NRCAM: variants seen among roughly 807,000 people sequenced by gnomAD.
The protein encoded by NRCAM is neuronal cell adhesion molecule.
In NRCAM, 83 loss-of-function variants were observed where a neutral mutation model predicts 156.5. The ratio of observed to expected loss-of-function variants is 0.53; its 90% confidence interval spans 0.44 to 0.64. The LOEUF is 0.64. NRCAM is among the 30% of genes least tolerant of loss of function. The pLI, the probability that NRCAM is intolerant of heterozygous loss-of-function variation, is 0.00. For synonymous variants in NRCAM, 538 were observed against 563.9 expected, an observed-to-expected ratio of 0.95 and a Z score of 0.65; for missense variants, 1,417 against 1,597.3, an observed-to-expected ratio of 0.89 and a Z score of 1.92.
chr7:108,297,178 G>A (rs1188280658), intron 3 of NRCAM, among the ~76,000 whole-genome samples: 5 of 152,206 alleles, frequency 3.3e-5, no homozygotes, highest in African/African-American at 1.2e-4. Context: ...TAAAGGATCA[G>A]TGACATACTT....
At chr7:108,341,303 G>A (rs995334157) in intron 2 of NRCAM, among the ~76,000 whole-genome samples, 1 of 152,180 alleles carries the variant, frequency 6.6e-6, no homozygotes, top group Admixed American at 6.5e-5. Flanking sequence ...TGACCATTGA[G>A]GGCCAGGAGG....
Position 108,150,140 on chromosome 7 carries a change from C to G in NRCAM, c.3685G>C (p.Glu1229Gln), listed in dbSNP as rs2040389220. 2 of 1,593,676 alleles carry G rather than the reference C, an allele frequency of 1.3e-6. No individual in the cohort carries two copies. Among genetic ancestry groups the G allele is most frequent in the Admixed American group, 3.7e-5 (2 of 53,534 alleles). Residue 1229 changes from glutamate (E) to glutamine (Q), a missense_variant, in exon 33 of 33, where the codon GAA becomes CAA. Transcript: ENST00000379028. ...CCTTTTTTCAAAGGCTTGTGGTCTT[C>G]TGCATCACTGGAAGAAAGAGAAAAC... ...DGTFGEYSDA[E>Q]DHKPLKKGSR...
At position 108,156,409 on chromosome 7, in the gene NRCAM, T is replaced by A. The variant is rs1442255731; in HGVS notation, c.3677+3054A>T. On this transcript the variant is annotated intron_variant, in intron 32 of 32. Coordinates refer to ENST00000379028, the MANE Select transcript of NRCAM (RefSeq NM_001037132.4). Reference sequence around the variant, plus strand: ...TACACTCTTGGTTGCATTGTTTCTCTGATTTTTCTATATGCTAGTAAGGAT... The same window carrying A: ...TACACTCTTGGTTGCATTGTTTCTCAGATTTTTCTATATGCTAGTAAGGAT... 3 of 984,506 alleles carry A rather than the reference T, an allele frequency of 3.0e-6. No individual in the cohort carries two copies. In the East Asian group the frequency reaches 3.4e-4, roughly 111 times the overall value. The allele number at this position is 984,506 out of a possible 1,614,324, so 61.0% of individuals were successfully genotyped here.
At chr7:108,180,838 T>C (rs1008942829) in intron 24 of NRCAM, among the ~76,000 whole-genome samples, 2 of 152,206 alleles carry the variant, frequency 1.3e-5, no homozygotes, top group Admixed American at 1.3e-4. Flanking sequence ...GTACAACCTA[T>C]CATGTAGTGA....
chr7:108,230,889 G>T, intron 8 of NRCAM, 142 bp downstream of exon 8: 1 of 614,684 alleles, frequency 1.6e-6, no homozygotes, highest in South Asian at 2.3e-5. Flanking sequence ...TGAATGAGAT[G>T]ACATGTTATT....
At chr7:108,396,890 G>A (rs2099778357) in intron 2 of NRCAM, among the ~76,000 whole-genome samples, 1 of 151,920 alleles carries the variant, frequency 6.6e-6, no homozygotes, top group South Asian at 2.1e-4. Context: ...AGAAATAAAG[G>A]CTGCCAAAAA....
chr7:108,229,825 C>T (rs112685084), intron 8 of NRCAM, among the ~76,000 whole-genome samples: 3,266 of 152,156 alleles, frequency 0.021, 129 homozygotes, highest in African/African-American at 0.074. Context: ...CCTATTGGCA[C>T]AGGAAATTTT....
chr7:108,434,025 G>A (rs902795522), intron 1 of NRCAM, among the ~76,000 whole-genome samples: 5 of 152,126 alleles, frequency 3.3e-5, no homozygotes, highest in African/African-American at 4.8e-5. Context: ...ATCATACAAC[G>A]GGACAAAACT....
intron 3 of NRCAM, among the ~76,000 whole-genome samples, chr7:108,274,166 G>T (rs1453959301): frequency 2.0e-5 from 3 of 152,152 alleles, no homozygotes; most frequent in Non-Finnish European, 4.4e-5. Flanking sequence ...TTTGAAGTCA[G>T]GTAGCGTGAT....
chr7:108,278,728 C>A (rs114364975), intron 3 of NRCAM, among the ~76,000 whole-genome samples: 1,762 of 152,348 alleles, frequency 0.012, 35 homozygotes, highest in African/African-American at 0.041. Flanking sequence ...GAGGCGACAC[C>A]CCACCCTGCT....
chr7:108,303,511 G>T lies in NRCAM; in HGVS notation c.-107+9154C>A, dbSNP rs144903480. Among the ~76,000 whole-genome samples the T allele has an allele frequency of 3.9e-5, 6 of 152,234 alleles. No individual in the cohort carries two copies. The East Asian group carries it at 5.8e-4, about 15-fold the overall frequency. On this transcript the variant is annotated intron_variant, in intron 3 of 32. Coordinates refer to ENST00000379028, the MANE Select transcript of NRCAM (RefSeq NM_001037132.4). ...ATCTATTCTACATATAGCTGCTGGGGTGTCTGTTCTGAACTCAGCTCTGAC... is the reference window on the plus strand; with the variant it reads ...ATCTATTCTACATATAGCTGCTGGGTTGTCTGTTCTGAACTCAGCTCTGAC...
chr7:108,184,015 G>A (rs188104818), intron 22 of NRCAM, among the ~76,000 whole-genome samples: 1 of 152,124 alleles, frequency 6.6e-6, no homozygotes, highest in Non-Finnish European at 1.5e-5. Flanking sequence ...AGAGTTAGTG[G>A]CAGAGCTGGG....
intron 28 of NRCAM, among the ~76,000 whole-genome samples, chr7:108,173,482 G>T (rs1460990797): frequency 1.3e-5 from 2 of 152,172 alleles, no homozygotes; most frequent in Non-Finnish European, 2.9e-5. Flanking sequence ...AAATAGTGAA[G>T]AGGATAGAAT....
At chr7:108,333,290 G>A (rs7808724) in intron 2 of NRCAM, among the ~76,000 whole-genome samples, 12,585 of 151,988 alleles carry the variant, frequency 0.083, 542 homozygotes, top group Middle Eastern at 0.15. Context: ...GCACACACAC[G>A]TGCACCCTTT....
chr7:108,169,252 C>A (rs911924111), intron 28 of NRCAM, among the ~76,000 whole-genome samples: 5 of 152,100 alleles, frequency 3.3e-5, no homozygotes, highest in Admixed American at 1.3e-4. Flanking sequence ...CATCTAAAGT[C>A]ATTAAAAAAT....
At chr7:108,326,591 T>C (rs138714131) in intron 2 of NRCAM, among the ~76,000 whole-genome samples, 4 of 152,226 alleles carry the variant, frequency 2.6e-5, no homozygotes, top group Middle Eastern at 3.4e-3. Flanking sequence ...CTAAAAAGCA[T>C]AGTCACTTGA....
intron 8 of NRCAM, among the ~76,000 whole-genome samples, chr7:108,229,053 CACAG>C (rs1381758296): frequency 2.5e-4 from 38 of 152,138 alleles, no homozygotes; most frequent in African/African-American, 8.2e-4. Context: ...CTTGTGAGTG[CACAG>C]ACAATCAGGT....
chr7:108,436,176 G>A (rs570331816), intron 1 of NRCAM, among the ~76,000 whole-genome samples: 2 of 152,054 alleles, frequency 1.3e-5, no homozygotes, highest in Admixed American at 6.5e-5. Flanking sequence ...GCTCACACAC[G>A]TATACCACCC....
intron 1 of NRCAM, among the ~76,000 whole-genome samples, chr7:108,438,790 C>G (rs1835163533): frequency 6.6e-6 from 1 of 152,056 alleles, no homozygotes; most frequent in South Asian, 2.1e-4. Context: ...ACAAGTTTAG[C>G]AAGATACAGG....
Sources: allele counts gnomAD v4.1 joint callset (sites outside exome capture counted in the v4.1 genomes callset), GRCh38; gene constraint gnomAD v4.1.1; transcripts MANE v1.5; gene names NCBI Gene and HGNC (gene_info 2026-07-23, HGNC 2026-07-21).